HTT: variants seen among roughly 807,000 people sequenced by gnomAD.
HTT encodes huntington disease protein.
Under a neutral mutation model 362.3 loss-of-function variants are expected in HTT, and 104 were observed. The observed-to-expected ratio is 0.29, with a 90% CI of 0.24 to 0.34. The LOEUF is 0.34. Among genes scored for constraint, HTT ranks in the 10% least tolerant of loss-of-function variants. HTT has a pLI of 1.00. For missense variants in HTT, 3,301 were observed against 3,928.6 expected (o/e 0.84, Z 4.27); for synonymous variants, 1,577 against 1,548.7 (o/e 1.02, Z -0.43).
chr4:3,121,296 G>A lies in HTT; in HGVS notation c.1137G>A (p.Leu379=). ...ATGTTGTGACCGGAGCCCTGGAGCT[G>A]TTGCAGCAGCTCTTCAGAACGCCTC... ...DHNVVTGALE[L]LQQLFRTPPP... The change falls in exon 9 of 67, where the codon CTG becomes CTA. Residue 379 remains leucine, a synonymous_variant. Transcript: ENST00000355072. 1 of 1,614,192 alleles carries A rather than the reference G, an allele frequency of 6.2e-7. No homozygotes were observed. Among genetic ancestry groups the A allele is most frequent in the African/African-American group, 1.3e-5 (1 of 75,060 alleles).
intron 37 of HTT, among the ~76,000 whole-genome samples, chr4:3,183,040 C>G (rs1718601121): frequency 6.6e-6 from 1 of 152,160 alleles, no homozygotes; most frequent in Non-Finnish European, 1.5e-5. Context: ...ACCACTACGC[C>G]TGGCTAGTTT....
rs899554316 is a variant in HTT, at chr4:3,074,720, C to T, written c.-106C>T. 29 of 1,230,922 alleles carry T rather than the reference C, an allele frequency of 2.4e-5. No homozygotes were observed. The Admixed American group carries it at 6.0e-4, about 25-fold the overall frequency. The allele number at this position is 1,230,922 out of a possible 1,614,324, so 76.2% of individuals were successfully genotyped here. On this transcript the variant is annotated 5_prime_UTR_variant, in exon 1 of 67. Transcript: ENST00000355072. ...TCCAAGATGGACGGCCGCTCAGGTT[C>T]TGCTTTTACCTGCGGCCCAGAGCCC...
chr4:3,156,976 G>T, intron 27 of HTT, 96 bp from the exon 28 acceptor site: 1 of 1,004,678 alleles, frequency 1.0e-6, no homozygotes, highest in Non-Finnish European at 1.5e-6. Flanking sequence ...TTTCATACTA[G>T]AATACTTTAA....
At chr4:3,130,106 A>T in intron 13 of HTT, 59 bp downstream of exon 13, 1 of 1,490,086 alleles carries the variant, frequency 6.7e-7, no homozygotes, top group Non-Finnish European at 9.0e-7. Flanking sequence ...TGGACATCTT[A>T]ATTATATCTT....
intron 2 of HTT, among the ~76,000 whole-genome samples, chr4:3,098,282 T>G (rs1464154068): frequency 6.6e-6 from 1 of 152,262 alleles, no homozygotes; most frequent in Non-Finnish European, 1.5e-5. Context: ...TGTTGATCAT[T>G]ACTGATGTGG....
chr4:3,117,931 C>T (rs1715111547), intron 8 of HTT, among the ~76,000 whole-genome samples: 1 of 152,202 alleles, frequency 6.6e-6, no homozygotes, highest in Non-Finnish European at 1.5e-5. Flanking sequence ...AACTCATTAT[C>T]AATTTTTCTC....
intron 6 of HTT, among the ~76,000 whole-genome samples, chr4:3,109,935 C>T (rs765583003): frequency 6.6e-6 from 1 of 152,136 alleles, no homozygotes; most frequent in Non-Finnish European, 1.5e-5. Flanking sequence ...ACAGTGTTGG[C>T]TTGTGCTGGG....
intron 21 of HTT, among the ~76,000 whole-genome samples, chr4:3,139,853 G>A (rs1716255054): frequency 6.6e-6 from 1 of 150,992 alleles, no homozygotes; most frequent in African/African-American, 2.5e-5. Flanking sequence ...ACACTGTTCA[G>A]CACTTGTTGA....
chr4:3,121,694 CAA>C (rs1019406950), intron 9 of HTT: 152 of 39,644 alleles, frequency 3.8e-3, no homozygotes, highest in South Asian at 0.017. Flanking sequence ...CCTGTCTCTA[CAA>C]AAAAAAAAAA....
intron 59 of HTT, among the ~76,000 whole-genome samples, chr4:3,229,255 C>T (rs950138166): frequency 7.0e-6 from 1 of 143,824 alleles, no homozygotes; most frequent in African/African-American, 2.6e-5. Flanking sequence ...CGCCACACCA[C>T]ATGCACCACA....
chr4:3,098,439 C>T (rs1449556482), intron 2 of HTT, among the ~76,000 whole-genome samples: 1 of 152,130 alleles, frequency 6.6e-6, no homozygotes, highest in Non-Finnish European at 1.5e-5. Flanking sequence ...TCAAAAATAG[C>T]ACATCCCCCG....
At chr4:3,180,734 C>T in intron 36 of HTT, 83 bp downstream of exon 36, 1 of 1,102,766 alleles carries the variant, frequency 9.1e-7, no homozygotes, top group Non-Finnish European at 1.2e-6. Context: ...GTAACGCTCA[C>T]TGTTAACTGT....
chr4:3,090,034 T>A (rs28595292), intron 2 of HTT, among the ~76,000 whole-genome samples: 16,569 of 152,200 alleles, frequency 0.11, 1,125 homozygotes, highest in African/African-American at 0.19. Flanking sequence ...GAAGGTGATA[T>A]TTTATGTAAA....
intron 3 of HTT, among the ~76,000 whole-genome samples, chr4:3,102,927 G>A (rs752507501): frequency 6.6e-6 from 1 of 152,164 alleles, no homozygotes; most frequent in Non-Finnish European, 1.5e-5. Context: ...TGAGGAATGT[G>A]GGGCCCCAGC....
intron 33 of HTT, among the ~76,000 whole-genome samples, chr4:3,176,913 C>G (rs1216290531): frequency 6.6e-6 from 1 of 152,222 alleles, no homozygotes; most frequent in Non-Finnish European, 1.5e-5. Context: ...TGACACAAAA[C>G]TGGCTCCCAT....
At chr4:3,180,113 C>CT (rs1430379964) in intron 35 of HTT, among the ~76,000 whole-genome samples, 1 of 147,972 alleles carries the variant, frequency 6.8e-6, no homozygotes, top group Non-Finnish European at 1.5e-5. Flanking sequence ...GTGGCTTTGA[C>CT]TAAATGTATT....
At chr4:3,155,063 G>C (rs1396073553) in intron 27 of HTT, among the ~76,000 whole-genome samples, 1 of 151,966 alleles carries the variant, frequency 6.6e-6, no homozygotes, top group African/African-American at 2.4e-5. Context: ...AGTGACTGCT[G>C]CTGCCTCTGC....
At chr4:3,136,018 G>A in intron 20 of HTT, 51 bp downstream of exon 20, 1 of 1,310,098 alleles carries the variant, frequency 7.6e-7, no homozygotes, top group Non-Finnish European at 1.1e-6. Context: ...GAAGGTGAAA[G>A]TGAGGCTTTC....
chr4:3,145,044 C>G (rs1462190498), intron 23 of HTT, 108 bp from the exon 24 acceptor site: 6 of 853,864 alleles, frequency 7.0e-6, no homozygotes, highest in Non-Finnish European at 1.2e-5. Flanking sequence ...ATACACAGAT[C>G]TCAGTTTTCT....
Sources: allele counts gnomAD v4.1 joint callset (sites outside exome capture counted in the v4.1 genomes callset), GRCh38; gene constraint gnomAD v4.1.1; transcripts MANE v1.5; gene names NCBI Gene and HGNC (gene_info 2026-07-23, HGNC 2026-07-21).